PABPC4L: variants seen among roughly 807,000 people sequenced by gnomAD.
The protein encoded by PABPC4L is polyadenylate-binding protein 4-like.
For missense variants in PABPC4L, 452 were observed against 451.4 expected (o/e 1.00, Z -0.01); for synonymous variants, 169 against 164.1 (o/e 1.03, Z -0.23).
At chr4:134,141,396 T>C in the PABPC4L span, among the ~76,000 whole-genome samples, 30 of 151,422 alleles carry the variant, frequency 2.0e-4, no homozygotes, top group Non-Finnish European at 3.4e-4. Context: ...TATGCTTCCT[T>C]TCATCACCTT....
At chr4:134,064,290 T>C in the PABPC4L span, among the ~76,000 whole-genome samples, 1 of 152,056 alleles carries the variant, frequency 6.6e-6, no homozygotes, top group Non-Finnish European at 1.5e-5. Context: ...GTAGGATTTA[T>C]GAAATTTGAG....
rs1242048678 is a variant in PABPC4L, at chr4:134,197,114, G to C, written c.*2793C>G. Reference sequence around the variant, plus strand: ...CACACTTAATACACTTTCCAGTCTTGTTGTCTGGTAAACCTTTTTAACAAC... The same window carrying C: ...CACACTTAATACACTTTCCAGTCTTCTTGTCTGGTAAACCTTTTTAACAAC... On this transcript the variant is annotated 3_prime_UTR_variant, in exon 2 of 2. Transcript: ENST00000421491. 6.6e-6 allele frequency: 1 copy of C among 151,716 alleles called. No individual in the cohort carries two copies. Among genetic ancestry groups the C allele is most frequent in the African/African-American group, 2.4e-5 (1 of 41,440 alleles). 9.4% of individuals were successfully genotyped at this position (151,716 alleles called of 1,614,324 possible).
At chr4:134,189,961 A>C in the PABPC4L span, among the ~76,000 whole-genome samples, 1 of 152,118 alleles carries the variant, frequency 6.6e-6, no homozygotes, top group South Asian at 2.1e-4. Context: ...AGAACCATAA[A>C]ATAATTTTAC....
chr4:133,985,590 A>G, the PABPC4L span, among the ~76,000 whole-genome samples: 2 of 152,120 alleles, frequency 1.3e-5, no homozygotes, highest in East Asian at 3.9e-4. Flanking sequence ...CAAGGTGTCA[A>G]GTTCTGTTTT....
the PABPC4L span, among the ~76,000 whole-genome samples, chr4:134,066,192 G>T: frequency 6.6e-6 from 1 of 151,888 alleles, no homozygotes; most frequent in Non-Finnish European, 1.5e-5. Flanking sequence ...ATAGCTTTGA[G>T]AGTTTTGTTC....
the PABPC4L span, among the ~76,000 whole-genome samples, chr4:134,107,985 A>G: frequency 6.6e-6 from 1 of 151,590 alleles, no homozygotes; most frequent in Non-Finnish European, 1.5e-5. Context: ...ATTATATTAA[A>G]GCTTAAGAGA....
the PABPC4L span, among the ~76,000 whole-genome samples, chr4:134,140,523 G>A: frequency 2.6e-5 from 4 of 151,754 alleles, no homozygotes; most frequent in South Asian, 2.1e-4. Context: ...TGTAGCACAC[G>A]ATGATGGCTG....
the PABPC4L span, among the ~76,000 whole-genome samples, chr4:134,170,612 T>C: frequency 6.6e-6 from 1 of 151,998 alleles, no homozygotes; most frequent in East Asian, 1.9e-4. Flanking sequence ...CCAGATACAA[T>C]GAGGGAGGAG....
At chr4:134,013,114 C>T in the PABPC4L span, among the ~76,000 whole-genome samples, 2 of 151,926 alleles carry the variant, frequency 1.3e-5, no homozygotes, top group East Asian at 3.9e-4. Flanking sequence ...AGAACCCCAA[C>T]CCCTTCTCTC....
the PABPC4L span, among the ~76,000 whole-genome samples, chr4:134,135,014 T>C: frequency 9.9e-5 from 15 of 151,030 alleles, no homozygotes; most frequent in Admixed American, 4.0e-4. Context: ...AAGAACACCA[T>C]CCAGAAAGCA....
At chr4:134,007,665 CCTAT>C in the PABPC4L span, among the ~76,000 whole-genome samples, 1 of 151,582 alleles carries the variant, frequency 6.6e-6, no homozygotes, top group Admixed American at 6.6e-5. Context: ...TAATTATCAT[CCTAT>C]CTACTACACC....
chr4:134,149,011 T>TG, the PABPC4L span, among the ~76,000 whole-genome samples: 2 of 152,098 alleles, frequency 1.3e-5, no homozygotes, highest in Non-Finnish European at 2.9e-5. Flanking sequence ...GAGAAAACAC[T>TG]GAGGCATAGG....
At chr4:134,005,653 G>T in the PABPC4L span, among the ~76,000 whole-genome samples, 1 of 151,770 alleles carries the variant, frequency 6.6e-6, no homozygotes, top group Non-Finnish European at 1.5e-5. Flanking sequence ...AGTGGTTACT[G>T]CTTTTCATGT....
the PABPC4L span, among the ~76,000 whole-genome samples, chr4:134,179,848 C>T: frequency 6.6e-6 from 1 of 152,066 alleles, no homozygotes; most frequent in South Asian, 2.1e-4. Context: ...CTATCCTGCA[C>T]ATATACACAC....
the PABPC4L span, among the ~76,000 whole-genome samples, chr4:134,161,815 T>G: frequency 2.6e-5 from 4 of 152,036 alleles, no homozygotes; most frequent in Admixed American, 2.6e-4. Context: ...CTCATATATT[T>G]CATAGAAAAA....
chr4:133,997,798 A>G, the PABPC4L span, among the ~76,000 whole-genome samples: 1 of 152,200 alleles, frequency 6.6e-6, no homozygotes, highest in African/African-American at 2.4e-5. Flanking sequence ...GTGTTATGAC[A>G]AATGTCATAT....
chr4:134,139,125 T>A, the PABPC4L span, among the ~76,000 whole-genome samples: 3 of 151,994 alleles, frequency 2.0e-5, no homozygotes, highest in Non-Finnish European at 4.4e-5. Context: ...ATATGTTTTA[T>A]CAATTCAACT....
the PABPC4L span, among the ~76,000 whole-genome samples, chr4:134,074,606 T>C: frequency 1.3e-5 from 2 of 152,160 alleles, no homozygotes; most frequent in Non-Finnish European, 2.9e-5. Context: ...CAATTTACTG[T>C]ATTAGTTTAT....
the PABPC4L span, among the ~76,000 whole-genome samples, chr4:134,172,669 A>G: frequency 6.6e-6 from 1 of 152,098 alleles, no homozygotes; most frequent in Admixed American, 6.6e-5. Context: ...AATGGGACCT[A>G]ATTAAGCTAA....
Sources: gnomAD v4.1 joint callset for allele counts (sites outside exome capture counted in the v4.1 genomes callset) on GRCh38, gnomAD v4.1.1 for gene constraint, MANE v1.5 for transcripts, NCBI Gene and HGNC (gene_info 2026-07-23, HGNC 2026-07-21) for gene names.